Variants in ZBTB46 observed in about 807,000 individuals in gnomAD.
ZBTB46 encodes the protein zinc finger and BTB domain containing 46.
Under a neutral mutation model 44.1 loss-of-function variants are expected in ZBTB46, and 8 were observed. The observed-to-expected ratio is 0.18, with a 90% CI of 0.11 to 0.33. The LOEUF is 0.33. Ranked by LOEUF, ZBTB46 falls within the 10% of genes least tolerant of loss-of-function variation. The pLI is 1.00. For synonymous variants in ZBTB46, 409 were observed against 382.3 expected (o/e 1.07, Z -0.81); for missense variants, 651 against 847.7 (o/e 0.77, Z 2.88).
chr20:63,749,937 T>C (rs909900333), intron 4 of ZBTB46, among the ~76,000 whole-genome samples: 2 of 152,222 alleles, frequency 1.3e-5, no homozygotes, highest in Admixed American at 1.3e-4. Context: ...ACGGGACACC[T>C]TGGCAGCCCG....
intron 1 of ZBTB46, among the ~76,000 whole-genome samples, chr20:63,812,922 C>T (rs556973261): frequency 6.6e-6 from 1 of 152,206 alleles, no homozygotes; most frequent in East Asian, 1.9e-4. Context: ...GGTGAAACCC[C>T]GTCTTTACTA....
chr20:63,833,282 C>T (rs1023754160), upstream of ZBTB46, among the ~76,000 whole-genome samples: 2 of 152,252 alleles, frequency 1.3e-5, no homozygotes, highest in African/African-American at 4.8e-5. Flanking sequence ...CAGGTTAGGG[C>T]TGCCTGTCTT....
intron 3 of ZBTB46, among the ~76,000 whole-genome samples, chr20:63,771,084 G>C (rs980535654): frequency 2.0e-5 from 2 of 99,430 alleles, no homozygotes; most frequent in African/African-American, 8.8e-5. Flanking sequence ...GGGGCTACTC[G>C]CCCTCCCAGG....
At chr20:63,761,544 G>C (rs563981197) in intron 3 of ZBTB46, among the ~76,000 whole-genome samples, 36 of 152,170 alleles carry the variant, frequency 2.4e-4, no homozygotes, top group African/African-American at 8.4e-4. Flanking sequence ...AGCAGTTTGG[G>C]AGTCCGAGGC....
rs539829531 is a variant in ZBTB46, at chr20:63,795,143, T to G, written c.-33-4353A>C. On this transcript the variant is annotated intron_variant, in intron 1 of 4. Transcript: ENST00000245663. ...GTCTCCTCCAAACACCGCCTCAGCT[T>G]TTTCTGAGGCTTCTTGGTATCTGCT... Among the ~76,000 whole-genome samples the G allele has an allele frequency of 2.3e-4, 35 of 152,318 alleles. 1 individual carries two copies. Among genetic ancestry groups the G allele is most frequent in the Non-Finnish European group, 4.9e-4 (33 of 68,038 alleles).
intron 1 of ZBTB46, among the ~76,000 whole-genome samples, chr20:63,798,407 G>A (rs547028817): frequency 2.6e-5 from 4 of 151,962 alleles, no homozygotes; most frequent in African/African-American, 9.7e-5. Flanking sequence ...GCGCGTGGTG[G>A]CTCACACCTG....
In ZBTB46 at chr20:63,767,005, A is replaced by G. The variant is rs1186039364; in HGVS notation, c.1222+8673T>C. Among the ~76,000 whole-genome samples, 1 of 152,162 alleles carries G rather than the reference A, an allele frequency of 6.6e-6. No homozygotes were observed. Among genetic ancestry groups the G allele is most frequent in the African/African-American group, 2.4e-5 (1 of 41,440 alleles). Reference sequence around the variant, plus strand: ...CTGCTGCTCTGGGTCCCTGGAGCCCACCAAGTCCACAACCACCTGCTCTGA... The same window carrying G: ...CTGCTGCTCTGGGTCCCTGGAGCCCGCCAAGTCCACAACCACCTGCTCTGA... On this transcript the variant is annotated intron_variant, in intron 3 of 4. Transcript: ENST00000245663. This position sits in a 1 kb window ranked among gnomAD's most constrained non-coding sequence, Gnocchi z 5.0.
chr20:63,810,414 C>T (rs6011144), intron 1 of ZBTB46, among the ~76,000 whole-genome samples: 27,224 of 151,948 alleles, frequency 0.18, 2,955 homozygotes, highest in East Asian at 0.45. Context: ...TCACACACAC[C>T]GACCACACTC....
intron 1 of ZBTB46, among the ~76,000 whole-genome samples, chr20:63,810,808 G>A (rs2092713356): frequency 6.6e-6 from 1 of 152,200 alleles, no homozygotes; most frequent in Non-Finnish European, 1.5e-5. Context: ...CAGCACAGAT[G>A]CAGGGTAGGA....
chr20:63,830,657 C>T (rs1293021056), intron 1 of ZBTB46, among the ~76,000 whole-genome samples: 1 of 149,186 alleles, frequency 6.7e-6, no homozygotes, highest in East Asian at 2.0e-4. Flanking sequence ...AAGACGCCCC[C>T]GGGCTGCCTC....
In ZBTB46 at chr20:63,787,097, G is replaced by A. The variant is rs983604869; in HGVS notation, c.937+2724C>T. Among the ~76,000 whole-genome samples, 2 of 152,304 alleles carry A rather than the reference G, an allele frequency of 1.3e-5. No homozygotes were observed. Among genetic ancestry groups the A allele is most frequent in the Middle Eastern group, 3.4e-3 (1 of 294 alleles). On this transcript the variant is annotated intron_variant, in intron 2 of 4. Transcript: ENST00000245663. This position sits in a 1 kb window ranked among gnomAD's most constrained non-coding sequence, Gnocchi z 4.6. ...GGGGTAGAGGCAAGAGGAAGGTACT[G>A]TATGACGGATACAGTTTCCCTTTGG...
intron 3 of ZBTB46, chr20:63,769,412 C>T: frequency 1.0e-6 from 1 of 985,438 alleles, no homozygotes; most frequent in Non-Finnish European, 1.2e-6. Flanking sequence ...AGGAGTCTCA[C>T]CCACAGGAAC....
intron 1 of ZBTB46, among the ~76,000 whole-genome samples, chr20:63,796,407 G>A (rs2092604654): frequency 6.6e-6 from 1 of 152,214 alleles, no homozygotes; most frequent in Admixed American, 6.5e-5. Flanking sequence ...ACCACTCAGC[G>A]GGCAAGAACG....
rs1386082316 is a variant in ZBTB46 at position 63,782,096 on chromosome 20, A to AAAAAAAAAAAAAAAAAG, written c.938-6135_938-6134insCTTTTTTTTTTTTTTTT. Among the ~76,000 whole-genome samples, 418 of 124,874 alleles carry AAAAAAAAAAAAAAAAAG rather than the reference A, an allele frequency of 3.3e-3. 13 individuals carry two copies. The highest frequency in any genetic ancestry group is 4.7e-3 in the Non-Finnish European group (279 of 59,586). The allele number at this position is 124,874 out of a possible 152,430, so 81.9% of individuals were successfully genotyped here. A position where few individuals can be genotyped will look rare whatever the true frequency, so the allele number is the denominator to read the frequency against. ...AGCAAGACTCCGTCTCAAAAAAAAA[A>AAAAAAAAAAAAAAAAAG]AAAAGAAAAGAGGCGTGGCGATTTT... On this transcript the variant is annotated intron_variant, in intron 2 of 4. Transcript: ENST00000245663.
intron 1 of ZBTB46, among the ~76,000 whole-genome samples, chr20:63,822,115 AT>A (rs977933761): frequency 2.0e-5 from 3 of 152,198 alleles, no homozygotes; most frequent in Non-Finnish European, 2.9e-5. Flanking sequence ...TACCATTAAC[AT>A]TTTAGAAACA....
At chr20:63,777,397 G>T (rs998413189) in intron 2 of ZBTB46, among the ~76,000 whole-genome samples, 1 of 152,184 alleles carries the variant, frequency 6.6e-6, no homozygotes, top group Non-Finnish European at 1.5e-5. Flanking sequence ...AGCCTGAGAG[G>T]TTGAGGCTGT....
chr20:63,796,819 C>T (rs1181966855), intron 1 of ZBTB46, among the ~76,000 whole-genome samples: 1 of 151,712 alleles, frequency 6.6e-6, no homozygotes, highest in Non-Finnish European at 1.5e-5. Context: ...GAGTAAGACT[C>T]CATCTCAAAA....
chr20:63,806,828 G>C (rs2092684673), intron 1 of ZBTB46, among the ~76,000 whole-genome samples: 1 of 151,840 alleles, frequency 6.6e-6, no homozygotes, highest in African/African-American at 2.4e-5. Context: ...TGTCGGCCAG[G>C]ATGGAGTGCA....
intron 3 of ZBTB46, among the ~76,000 whole-genome samples, chr20:63,764,127 C>G (rs979631535): frequency 6.6e-6 from 1 of 152,032 alleles, no homozygotes; most frequent in Non-Finnish European, 1.5e-5. Flanking sequence ...AGCCATTACA[C>G]CCAGCTAATT....
Sources: allele counts gnomAD v4.1 joint callset (sites outside exome capture counted in the v4.1 genomes callset), GRCh38; gene constraint gnomAD v4.1.1; non-coding constraint Gnocchi (gnomAD v3.1); transcripts MANE v1.5; gene names NCBI Gene and HGNC (gene_info 2026-07-23, HGNC 2026-07-21).